Variants in LRBA observed in about 807,000 individuals in gnomAD.
The protein encoded by LRBA is lipopolysaccharide-responsive and beige-like anchor protein.
LRBA carries 176 observed loss-of-function variants against 330.0 expected under a neutral mutation model. The ratio of observed to expected loss-of-function variants is 0.53; its 90% CI spans 0.47 to 0.60. The LOEUF (loss-of-function observed/expected upper bound fraction) is 0.60, where lower values mean the gene tolerates loss of function less well. Ranked by LOEUF, LRBA falls within the 20% of genes least tolerant of loss-of-function variation. The probability of loss-of-function intolerance (pLI) is 0.00; values close to 1 mark genes in which losing one functional copy is unlikely to be tolerated. For synonymous variants in LRBA, 1,230 were observed against 1,193.0 expected (o/e 1.03, Z -0.64); for missense variants, 3,259 against 3,444.8 (o/e 0.95, Z 1.35).
At chr4:150,457,679 A>C (rs1754256419) in intron 44 of LRBA, among the ~76,000 whole-genome samples, 1 of 151,884 alleles carries the variant, frequency 6.6e-6, no homozygotes, top group African/African-American at 2.4e-5. Flanking sequence ...AAAATAGCCA[A>C]ATCAGGAGGA....
intron 56 of LRBA, among the ~76,000 whole-genome samples, chr4:150,273,909 GCAA>G (rs1400237202): frequency 1.3e-5 from 2 of 152,186 alleles, no homozygotes; most frequent in African/African-American, 4.8e-5. Flanking sequence ...AGACAGAAAA[GCAA>G]CAACAAGGAT....
chr4:150,590,418 T>G (rs1772671138), intron 39 of LRBA, among the ~76,000 whole-genome samples: 1 of 151,958 alleles, frequency 6.6e-6, no homozygotes, highest in South Asian at 2.1e-4. Context: ...TTACAGAGAT[T>G]TGGTAACTCC....
intron 2 of LRBA, among the ~76,000 whole-genome samples, chr4:150,938,344 T>C (rs967749090): frequency 6.6e-6 from 1 of 152,190 alleles, no homozygotes; most frequent in African/African-American, 2.4e-5. Flanking sequence ...TAAGTGAATG[T>C]TACCTTGTAT....
At chr4:150,546,904 A>C (rs2152237058) in intron 40 of LRBA, among the ~76,000 whole-genome samples, 1 of 152,304 alleles carries the variant, frequency 6.6e-6, no homozygotes, top group East Asian at 1.9e-4. Context: ...AAAAGGCAAA[A>C]TCTTCCAACC....
intron 55 of LRBA, among the ~76,000 whole-genome samples, chr4:150,280,344 A>G (rs1747345713): frequency 6.6e-6 from 1 of 152,184 alleles, no homozygotes; most frequent in Admixed American, 6.5e-5. Flanking sequence ...CACGGGTTTT[A>G]AGGAGGTAGT....
chr4:150,270,473 G>T (rs1413425967), intron 56 of LRBA, among the ~76,000 whole-genome samples: 1 of 152,170 alleles, frequency 6.6e-6, no homozygotes, highest in African/African-American at 2.4e-5. Context: ...TTAACAGAAG[G>T]TGCTTAGAAG....
At chr4:150,671,414 G>A (rs149481033) in intron 37 of LRBA, among the ~76,000 whole-genome samples, 10 of 152,038 alleles carry the variant, frequency 6.6e-5, no homozygotes, top group Non-Finnish European at 1.5e-4. Context: ...TTTCCTTTTC[G>A]TAGGTGTTCT....
chr4:150,704,400 T>G (rs777067876), intron 36 of LRBA, among the ~76,000 whole-genome samples: 3 of 151,844 alleles, frequency 2.0e-5, no homozygotes, highest in Non-Finnish European at 4.4e-5. Context: ...TACTGTTATA[T>G]TTTTCTTCTT....
chr4:150,404,507 T>C (rs994738286), intron 47 of LRBA, among the ~76,000 whole-genome samples: 2 of 152,116 alleles, frequency 1.3e-5, no homozygotes, highest in Non-Finnish European at 2.9e-5. Flanking sequence ...AAGAAGAACA[T>C]GTGGCAGGCA....
At chr4:150,638,673 G>C (rs1447931591) in intron 37 of LRBA, among the ~76,000 whole-genome samples, 1 of 147,996 alleles carries the variant, frequency 6.8e-6, no homozygotes, top group Non-Finnish European at 1.5e-5. Flanking sequence ...ACACCAGTTA[G>C]AATGGTGATC....
intron 48 of LRBA, among the ~76,000 whole-genome samples, chr4:150,330,743 C>T (rs980330632): frequency 2.0e-5 from 3 of 152,078 alleles, no homozygotes; most frequent in Non-Finnish European, 4.4e-5. Context: ...TGTGGCTCGG[C>T]GGTCAGGGAC....
At chr4:150,860,290 A>G (rs563958292) in intron 22 of LRBA, among the ~76,000 whole-genome samples, 7 of 152,324 alleles carry the variant, frequency 4.6e-5, no homozygotes, top group Non-Finnish European at 7.4e-5. Flanking sequence ...TTTCCCTCTC[A>G]TAAGTAATGT....
intron 22 of LRBA, 76 bp from the exon 23 acceptor site, chr4:150,853,019 T>C: frequency 1.4e-6 from 1 of 733,296 alleles, no homozygotes; most frequent in Non-Finnish European, 2.1e-6. Context: ...AACTAAATAA[T>C]TTTCAAATAC....
At chr4:150,464,191 T>A (rs964646188) in intron 44 of LRBA, among the ~76,000 whole-genome samples, 2 of 151,616 alleles carry the variant, frequency 1.3e-5, no homozygotes, top group Non-Finnish European at 2.9e-5. Context: ...TGAAATAGAG[T>A]CCAAACTGTG....
chr4:150,459,820 G>A (rs1015261301), intron 44 of LRBA, among the ~76,000 whole-genome samples: 5 of 151,844 alleles, frequency 3.3e-5, no homozygotes, highest in Admixed American at 6.6e-5. Context: ...TATTATGTCA[G>A]CCAATAAAAC....
chr4:150,960,160 C>A (rs773538286), intron 2 of LRBA, among the ~76,000 whole-genome samples: 1 of 148,956 alleles, frequency 6.7e-6, no homozygotes, highest in Non-Finnish European at 1.5e-5. Context: ...TATATAATAT[C>A]ATCATTATTC....
chr4:150,399,980 A>ACAATCAAT (rs57262800), intron 47 of LRBA, among the ~76,000 whole-genome samples: 45 of 151,404 alleles, frequency 3.0e-4, no homozygotes, highest in Admixed American at 1.3e-3. Flanking sequence ...TGTCAATCAA[A>ACAATCAAT]CAATCAATCA....
At chr4:150,871,289 A>T in intron 19 of LRBA, 56 bp downstream of exon 19, 1 of 903,896 alleles carries the variant, frequency 1.1e-6, no homozygotes, top group Non-Finnish European at 1.8e-6. Flanking sequence ...ACACAATGTT[A>T]AGAGGCATTT....
At chr4:150,428,622 T>A (rs917410868) in intron 46 of LRBA, among the ~76,000 whole-genome samples, 2 of 152,138 alleles carry the variant, frequency 1.3e-5, no homozygotes, top group Non-Finnish European at 2.9e-5. Context: ...TTATGCCTCC[T>A]GTCCCTTACA....
Sources: gnomAD v4.1 joint callset for allele counts (sites outside exome capture counted in the v4.1 genomes callset) on GRCh38, gnomAD v4.1.1 for gene constraint, MANE v1.5 for transcripts, NCBI Gene and HGNC (gene_info 2026-07-23, HGNC 2026-07-21) for gene names.